The following PSMD14 variants were observed in gnomAD, a reference collection of about 807,000 sequenced individuals.
PSMD14 encodes the protein ubiquitin C-terminal hydrolase PSMD14.
PSMD14 carries 7 observed loss-of-function variants against 41.2 expected under a neutral mutation model. The ratio of observed to expected loss-of-function variants is 0.17; its 90% CI spans 0.10 to 0.32. PSMD14 has a LOEUF of 0.32. PSMD14 is among the 10% of genes least tolerant of loss of function. The pLI is 1.00. For synonymous variants in PSMD14, 114 were observed against 122.3 expected (o/e 0.93, Z 0.45); for missense variants, 139 against 375.6 (o/e 0.37, Z 5.21).
intron 4 of PSMD14, 36 bp from the exon 5 acceptor site, chr2:161,367,748 A>T (rs748512807): frequency 6.2e-7 from 1 of 1,601,952 alleles, no homozygotes; most frequent in South Asian, 1.1e-5. Flanking sequence ...ACCTCAACGA[A>T]ATTTGCTTTG....
chr2:161,368,402 G>A (rs1039921873), intron 5 of PSMD14, among the ~76,000 whole-genome samples: 2 of 151,980 alleles, frequency 1.3e-5, no homozygotes, highest in Non-Finnish European at 2.9e-5. Flanking sequence ...CAAAACAATA[G>A]CAAACCTGAA....
At chr2:161,358,716 G>A (rs1220479565) in intron 3 of PSMD14, among the ~76,000 whole-genome samples, 4 of 152,108 alleles carry the variant, frequency 2.6e-5, no homozygotes, top group Admixed American at 2.0e-4. Context: ...AGGCTGAGGC[G>A]GGTGGATCAT....
chr2:161,371,407 A>T (rs1683432434), intron 7 of PSMD14, 85 bp downstream of exon 7: 1 of 1,375,986 alleles, frequency 7.3e-7, no homozygotes, highest in African/African-American at 1.4e-5. Flanking sequence ...TGTTCAAAGC[A>T]GGATTCTTAA....
intron 3 of PSMD14, among the ~76,000 whole-genome samples, chr2:161,323,110 A>C (rs1416716127): frequency 6.6e-6 from 1 of 152,096 alleles, no homozygotes; most frequent in Non-Finnish European, 1.5e-5. Flanking sequence ...TAAACTCCAT[A>C]ATCTACTTAA....
At chr2:161,342,800 T>C (rs904361355) in intron 3 of PSMD14, among the ~76,000 whole-genome samples, 1 of 152,220 alleles carries the variant, frequency 6.6e-6, no homozygotes, top group Admixed American at 6.5e-5. Flanking sequence ...TTGAGATTAA[T>C]TGGATATTGT....
intron 10 of PSMD14, among the ~76,000 whole-genome samples, chr2:161,398,809 A>G (rs1231968796): frequency 6.6e-6 from 1 of 152,094 alleles, no homozygotes; most frequent in East Asian, 1.9e-4. Flanking sequence ...TTGGTTTAAT[A>G]CAGTAGCTAT....
intron 3 of PSMD14, among the ~76,000 whole-genome samples, chr2:161,350,338 A>C (rs1683100648): frequency 6.6e-6 from 1 of 152,250 alleles, no homozygotes; most frequent in African/African-American, 2.4e-5. Context: ...TCTGAAATTC[A>C]AATTTAACTT....
Position 161,411,388 on chromosome 2 carries a change from C to G in PSMD14, c.921C>G (p.Val307=). The change falls in exon 12 of 12, where the codon GTC becomes GTG. Residue 307 remains valine, a synonymous_variant. Transcript: ENST00000409682. ...VQCLAAMLDT[V]VFK is the part of the protein sequence containing the mutation. ...GTTTAGCAGCTATGTTGGATACTGTCGTATTTAAATAAAGCAACGAAAAAC... is the reference window on the plus strand; with the variant it reads ...GTTTAGCAGCTATGTTGGATACTGTGGTATTTAAATAAAGCAACGAAAAAC... 6.2e-7 allele frequency: 1 copy of G among 1,604,444 alleles called. No homozygotes were observed. The highest frequency in any genetic ancestry group is 8.5e-7 in the Non-Finnish European group (1 of 1,173,718).
intron 3 of PSMD14, among the ~76,000 whole-genome samples, chr2:161,336,688 G>C (rs940919362): frequency 3.9e-5 from 6 of 152,062 alleles, no homozygotes; most frequent in Non-Finnish European, 7.4e-5. Flanking sequence ...TGATTCTCCT[G>C]CCTCAGCCTC....
At chr2:161,396,899 C>G (rs932167586) in intron 10 of PSMD14, among the ~76,000 whole-genome samples, 4 of 152,138 alleles carry the variant, frequency 2.6e-5, no homozygotes, top group African/African-American at 9.7e-5. Context: ...GTGATCTCAG[C>G]TCACTGCAAC....
chr2:161,395,232 T>G, intron 10 of PSMD14, 29 bp downstream of exon 10: 1 of 1,527,786 alleles, frequency 6.5e-7, no homozygotes, highest in Non-Finnish European at 8.9e-7. Context: ...ATTTCTTCTT[T>G]ATAATCTTTG....
chr2:161,349,921 A>G (rs1251131139), intron 3 of PSMD14, among the ~76,000 whole-genome samples: 2 of 152,238 alleles, frequency 1.3e-5, no homozygotes, highest in Non-Finnish European at 2.9e-5. Context: ...CAAAGTTGAT[A>G]TTGATTTCCA....
rs139623338 is a variant in PSMD14, at chr2:161,352,026, G to A, written c.49-15452G>A. On this transcript the variant is annotated intron_variant, in intron 3 of 11. Coordinates refer to ENST00000409682, the MANE Select transcript of PSMD14 (RefSeq NM_005805.6). ...TATCTATGATAATTTGTAAACCTCT[G>A]TATCTCACTAAATTGAAATTATAAT... 2.2e-3 allele frequency among the ~76,000 whole-genome samples: 331 copies of A among 152,218 alleles called. 1 individual carries two copies. The highest frequency in any genetic ancestry group is 7.7e-3 in the African/African-American group (318 of 41,534).
intron 3 of PSMD14, among the ~76,000 whole-genome samples, chr2:161,321,045 G>A (rs1682573013): frequency 1.3e-5 from 2 of 152,184 alleles, no homozygotes; most frequent in South Asian, 4.1e-4. Context: ...TTTTTAATAA[G>A]AAGTCAAAGA....
At chr2:161,377,761 T>G (rs1347829845) in intron 7 of PSMD14, among the ~76,000 whole-genome samples, 3 of 151,910 alleles carry the variant, frequency 2.0e-5, no homozygotes, top group Non-Finnish European at 4.4e-5. Context: ...TAAAAATACA[T>G]CATTCATTAC....
At chr2:161,406,036 C>G (rs1683943538) in intron 10 of PSMD14, among the ~76,000 whole-genome samples, 1 of 152,082 alleles carries the variant, frequency 6.6e-6, no homozygotes, top group Admixed American at 6.6e-5. Context: ...GAATTGACCT[C>G]CTGGAGATCC....
At chr2:161,333,482 T>A (rs771295286) in intron 3 of PSMD14, among the ~76,000 whole-genome samples, 3 of 152,192 alleles carry the variant, frequency 2.0e-5, no homozygotes, top group Non-Finnish European at 2.9e-5. Context: ...ACCAACTCAC[T>A]ATGAAAGGCA....
chr2:161,317,480 G>A (rs1330537809), intron 2 of PSMD14, among the ~76,000 whole-genome samples: 1 of 152,170 alleles, frequency 6.6e-6, no homozygotes, highest in Admixed American at 6.5e-5. Context: ...GACTGGAAGC[G>A]GGGCTTGGGT....
intron 3 of PSMD14, among the ~76,000 whole-genome samples, chr2:161,353,245 T>C (rs1574126893): frequency 6.6e-6 from 1 of 152,198 alleles, no homozygotes; most frequent in Non-Finnish European, 1.5e-5. Context: ...TCTTTATAAC[T>C]GTGTATTTAT....
Sources: allele counts gnomAD v4.1 joint callset (sites outside exome capture counted in the v4.1 genomes callset), GRCh38; gene constraint gnomAD v4.1.1; transcripts MANE v1.5; gene names NCBI Gene and HGNC (gene_info 2026-07-23, HGNC 2026-07-21).